The following DNAH7 variants were observed in gnomAD, a reference collection of about 807,000 sequenced individuals.
The protein encoded by DNAH7 is axonemal beta dynein heavy chain 7.
A neutral mutation model predicts 444.6 loss-of-function variants in DNAH7; 397 were observed. The ratio of observed to expected loss-of-function variants is 0.89; its 90% CI spans 0.82 to 0.97. The LOEUF (loss-of-function observed/expected upper bound fraction) is 0.97. DNAH7 is among the 50% of genes least tolerant of loss of function. The pLI is 0.00. For missense variants in DNAH7, 4,902 were observed against 4,800.8 expected (o/e 1.02, Z -0.62); for synonymous variants, 1,636 against 1,624.4 (o/e 1.01, Z -0.17).
chr2:195,749,929 A>G (rs985395073), intron 63 of DNAH7, among the ~76,000 whole-genome samples: 2 of 152,026 alleles, frequency 1.3e-5, no homozygotes, highest in South Asian at 2.1e-4. Context: ...ACATGTATAC[A>G]TATGTAACTA....
intron 47 of DNAH7, among the ~76,000 whole-genome samples, chr2:195,840,672 A>C (rs908995495): frequency 1.3e-5 from 2 of 151,840 alleles, no homozygotes; most frequent in African/African-American, 4.8e-5. Context: ...GTAAAAAGTC[A>C]ATATTCAAAA....
rs776990580 is a variant in DNAH7, at chr2:195,816,860, C to G, written c.9529G>C (p.Ala3177Pro). The G allele has an allele frequency of 3.7e-6, 6 of 1,614,050 alleles. No individual in the cohort carries two copies. Among genetic ancestry groups the G allele is most frequent in the Non-Finnish European group, 5.1e-6 (6 of 1,179,986 alleles). ...TAIKILSSSK[A>P]LANEISQKQE... ...TTCTGAGAAATCTCATTAGCCAAGGCCTTGGAGGAAGATAATATCTTAATA... is the reference window on the plus strand; with the variant it reads ...TTCTGAGAAATCTCATTAGCCAAGGGCTTGGAGGAAGATAATATCTTAATA... Residue 3177 changes from alanine to proline, a missense_variant, in exon 51 of 65, where the codon GCC (alanine) becomes CCC (proline). Ala to Pro is a conservative substitution (Grantham distance 27). Transcript: ENST00000312428.
At chr2:195,923,031 T>G (rs73040682) in intron 23 of DNAH7, among the ~76,000 whole-genome samples, 3,570 of 152,156 alleles carry the variant, frequency 0.023, 119 homozygotes, top group African/African-American at 0.082. Flanking sequence ...GCCCAGCTAA[T>G]TTTTGTATTT....
rs1695724762 is a variant in DNAH7, at chr2:196,026,910, C to G, written c.517G>C (p.Asp173His). Residue 173 changes from aspartate (D) to histidine (H), a missense_variant, in exon 7 of 65, where the codon GAT becomes CAT. Asp to His is a moderately conservative substitution (Grantham distance 81, BLOSUM62 -1). Transcript: ENST00000312428. ...RYYYYIHHGI[D>H]TDHVAPMEDS... ...TCCATTGGGGCTACATGGTCTGTAT[C>G]AATTCCATGGTGAATATAATAGTAA... The G allele has an allele frequency of 6.2e-7, 1 of 1,610,828 alleles. No homozygotes were observed. Among genetic ancestry groups the G allele is most frequent in the Admixed American group, 1.7e-5 (1 of 59,792 alleles).
At chr2:196,056,406 C>T (rs1324377161) in intron 2 of DNAH7, among the ~76,000 whole-genome samples, 61 of 148,392 alleles carry the variant, frequency 4.1e-4, no homozygotes, top group Admixed American at 1.6e-3. Context: ...GATCATGCCA[C>T]TGCACTCTGT....
intron 2 of DNAH7, among the ~76,000 whole-genome samples, chr2:196,052,406 G>A (rs1460502539): frequency 6.6e-6 from 1 of 152,190 alleles, no homozygotes; most frequent in Non-Finnish European, 1.5e-5. Flanking sequence ...GAAGTGAGAT[G>A]TGTTTAAGTT....
chr2:196,037,514 TC>T (rs1489218457), intron 5 of DNAH7, among the ~76,000 whole-genome samples: 2 of 151,882 alleles, frequency 1.3e-5, no homozygotes, highest in African/African-American at 4.8e-5. Flanking sequence ...TCAGAAAAAC[TC>T]ATAAGCTGAA....
chr2:195,929,995 G>C (rs1300060013), intron 21 of DNAH7, among the ~76,000 whole-genome samples: 1 of 152,326 alleles, frequency 6.6e-6, no homozygotes, highest in East Asian at 1.9e-4. Flanking sequence ...CTAATATCCA[G>C]ATTCTATAAG....
chr2:196,004,785 C>T (rs1486459155), intron 10 of DNAH7, among the ~76,000 whole-genome samples: 1 of 92,164 alleles, frequency 1.1e-5, no homozygotes. Context: ...GTCTGTCTCA[C>T]ACACACACAC....
Position 195,970,042 on chromosome 2 carries a change from T to C in DNAH7, c.2111A>G (p.Glu704Gly), listed in dbSNP as rs1390545316. Residue 704 changes from glutamate (E) to glycine (G), a missense_variant, in exon 17 of 65, where the codon GAA (glutamate) becomes GGA (glycine). Glu to Gly is a moderately conservative substitution (Grantham distance 98, BLOSUM62 -2). Transcript: ENST00000312428. ...AAGATCTCCAAATGAATAAAATTCT[T>C]CTGATTGCTTAGCATAACTCTCCAA... ...EELESYAKQS[E>G]EFYSFGDLQD... 1 of 1,613,162 alleles carries C rather than the reference T, an allele frequency of 6.2e-7. No homozygotes were observed. Among genetic ancestry groups the C allele is most frequent in the Admixed American group, 1.7e-5 (1 of 59,860 alleles).
At chr2:195,970,351 AAATT>A (rs1691760514) in intron 16 of DNAH7, among the ~76,000 whole-genome samples, 1 of 152,198 alleles carries the variant, frequency 6.6e-6, no homozygotes, top group Admixed American at 6.5e-5. Flanking sequence ...CTAGCTAATA[AAATT>A]AATAAAAATG....
rs976945431 is a variant in DNAH7 at position 196,001,993 on chromosome 2, T to C, written c.990-135A>G. ...TATTGCTAAATGATATTACCCACTC[T>C]CCGAAATGTAAGTGTTAAAATATGT... On this transcript the variant is annotated intron_variant, in intron 10 of 64. Coordinates refer to ENST00000312428, the MANE Select transcript of DNAH7 (RefSeq NM_018897.3). 1.2e-5 allele frequency: 7 copies of C among 584,300 alleles called. No individual in the cohort carries two copies. In the African/African-American group the frequency reaches 1.3e-4, roughly 11 times the overall value. 36.2% of individuals were successfully genotyped at this position (584,300 alleles called of 1,614,324 possible). A position where few individuals can be genotyped will look rare whatever the true frequency, so the allele number is the denominator to read the frequency against.
intron 19 of DNAH7, among the ~76,000 whole-genome samples, chr2:195,949,955 C>T (rs1690107513): frequency 6.6e-6 from 1 of 152,188 alleles, no homozygotes; most frequent in Non-Finnish European, 1.5e-5. Context: ...ATGAAACTGA[C>T]TTGATCATGC....
intron 46 of DNAH7, among the ~76,000 whole-genome samples, chr2:195,852,858 G>T (rs1486861723): frequency 6.7e-6 from 1 of 149,992 alleles, no homozygotes; most frequent in East Asian, 2.0e-4. Flanking sequence ...GAAATGGCTT[G>T]TTATTGAGAC....
chr2:195,772,538 AAAATT>A (rs1014390304), intron 60 of DNAH7, among the ~76,000 whole-genome samples: 27 of 152,266 alleles, frequency 1.8e-4, no homozygotes, highest in African/African-American at 6.3e-4. Flanking sequence ...TTCTGAAAAA[AAAATT>A]AAATCCTCAG....
intron 1 of DNAH7, among the ~76,000 whole-genome samples, chr2:196,064,717 G>A (rs956242821): frequency 2.0e-5 from 3 of 152,104 alleles, no homozygotes; most frequent in Admixed American, 6.5e-5. Flanking sequence ...TCTGCAACAT[G>A]CTTTTTAATA....
intron 45 of DNAH7, among the ~76,000 whole-genome samples, chr2:195,854,209 G>A (rs973514237): frequency 2.6e-5 from 4 of 152,166 alleles, no homozygotes; most frequent in Non-Finnish European, 5.9e-5. Context: ...AGCAGAATAT[G>A]TGAATTATTT....
intron 2 of DNAH7, 100 bp from the exon 3 acceptor site, chr2:196,051,349 T>C: frequency 1.1e-6 from 1 of 885,722 alleles, no homozygotes; most frequent in Non-Finnish European, 1.9e-6. Flanking sequence ...AAAAAGTACA[T>C]ATTATCCAAC....
chr2:195,775,110 C>T (rs936445425), intron 60 of DNAH7, among the ~76,000 whole-genome samples: 2 of 152,078 alleles, frequency 1.3e-5, no homozygotes, highest in Non-Finnish European at 2.9e-5. Flanking sequence ...GTCTCTTTAC[C>T]TCTGAATTGT....
Sources: allele counts gnomAD v4.1 joint callset (sites outside exome capture counted in the v4.1 genomes callset), GRCh38; gene constraint gnomAD v4.1.1; transcripts MANE v1.5; gene names NCBI Gene and HGNC (gene_info 2026-07-23, HGNC 2026-07-21).